Variants in KMT2C observed in about 807,000 individuals in gnomAD.
KMT2C encodes the protein histone-lysine N-methyltransferase 2C.
Under a neutral mutation model 507.9 loss-of-function variants are expected in KMT2C, and 88 were observed. The ratio of observed to expected loss-of-function variants is 0.17; its 90% CI spans 0.15 to 0.21. KMT2C has a LOEUF of 0.21. KMT2C is among the 10% of genes least tolerant of loss of function. The pLI, the probability that KMT2C is intolerant of heterozygous loss-of-function variation, is 1.00. For missense variants in KMT2C, 4,954 were observed against 5,957.8 expected (o/e 0.83, Z 5.55); for synonymous variants, 2,049 against 2,080.8 (o/e 0.98, Z 0.42).
intron 2 of KMT2C, among the ~76,000 whole-genome samples, chr7:152,345,727 G>A (rs186625038): frequency 6.6e-6 from 1 of 152,132 alleles, no homozygotes; most frequent in East Asian, 1.9e-4. Flanking sequence ...CACCACGTTG[G>A]TCAGGCTGGA....
At chr7:152,139,340 A>G (rs1332850689) in intron 56 of KMT2C, 81 bp from the exon 57 acceptor site, 2 of 1,316,394 alleles carry the variant, frequency 1.5e-6, no homozygotes, top group Non-Finnish European at 2.2e-6. Flanking sequence ...AGGAGGACTC[A>G]GTCGAAACTG....
rs114438536 is a variant in KMT2C at position 152,376,239 on chromosome 7, C to T, written c.162-17564G>A. Among the ~76,000 whole-genome samples the T allele has an allele frequency of 1.4e-3, 217 of 152,298 alleles. 1 individual carries two copies. Among genetic ancestry groups the T allele is most frequent in the African/African-American group, 4.9e-3 (204 of 41,568 alleles). ...TCTTTCTCCCTCTTTTCAGACCTCC[C>T]GTTTCCCCAACACACAACCATATTG... is the stretch of plus-strand genomic sequence containing the variant. On this transcript the variant is annotated intron_variant, in intron 1 of 58. Transcript: ENST00000262189.
chr7:152,147,216 C>T (rs1483901524), intron 52 of KMT2C, among the ~76,000 whole-genome samples: 1 of 151,694 alleles, frequency 6.6e-6, no homozygotes, highest in East Asian at 1.9e-4. Flanking sequence ...TGTTTGTGTA[C>T]TTTCTACATA....
intron 24 of KMT2C, 115 bp from the exon 25 acceptor site, chr7:152,205,340 G>A (rs2094274992): frequency 2.4e-5 from 12 of 509,636 alleles, no homozygotes; most frequent in African/African-American, 6.5e-5. Flanking sequence ...AATTAAATCT[G>A]TGCTAATCTA....
At chr7:152,254,640 C>T (rs1055701992) in intron 9 of KMT2C, among the ~76,000 whole-genome samples, 1 of 151,990 alleles carries the variant, frequency 6.6e-6, no homozygotes, top group African/African-American at 2.4e-5. Context: ...TGGGAGAGCC[C>T]GAGAGGCATT....
chr7:152,235,631 G>A (rs1360565366), intron 16 of KMT2C, among the ~76,000 whole-genome samples, 186 bp downstream of exon 16: 1 of 152,260 alleles, frequency 6.6e-6, no homozygotes, highest in East Asian at 1.9e-4. Flanking sequence ...TAAGAAAAGA[G>A]AAAGGATGAG....
intron 1 of KMT2C, among the ~76,000 whole-genome samples, chr7:152,375,422 G>A (rs2097321625): frequency 6.6e-6 from 1 of 151,318 alleles, no homozygotes; most frequent in Non-Finnish European, 1.5e-5. Context: ...GTCTTGCTCT[G>A]TCGCCCAGGC....
chr7:152,435,879 C>T lies in KMT2C; in HGVS notation c.-93G>A, dbSNP rs576087368. On this transcript the variant is annotated 5_prime_UTR_variant, in exon 1 of 59. Transcript: ENST00000262189. ...CGCCGCCGCCGCTGCTGCTCGGGTT[C>T]CTCCTCCCCGGCTCAGCCTCTCGCA... 421 of 1,331,512 alleles carry T rather than the reference C, an allele frequency of 3.2e-4. No individual in the cohort carries two copies. The highest frequency in any genetic ancestry group is 8.3e-4 in the Middle Eastern group (3 of 3,598). The allele number at this position is 1,331,512 out of a possible 1,614,324, so 82.5% of individuals were successfully genotyped here.
intron 5 of KMT2C, among the ~76,000 whole-genome samples, chr7:152,311,081 T>C (rs931242030): frequency 1.3e-5 from 2 of 151,614 alleles, no homozygotes; most frequent in Non-Finnish European, 2.9e-5. Flanking sequence ...ACAAACAAAA[T>C]TAGTTTTTAG....
chr7:152,168,307 C>T (rs2092822092), intron 41 of KMT2C, among the ~76,000 whole-genome samples: 1 of 152,088 alleles, frequency 6.6e-6, no homozygotes, highest in African/African-American at 2.4e-5. Context: ...CCAACCAAAG[C>T]CAATGGGCAC....
intron 14 of KMT2C, among the ~76,000 whole-genome samples, chr7:152,241,095 C>G (rs1408044118): frequency 6.6e-6 from 1 of 152,242 alleles, no homozygotes; most frequent in Admixed American, 6.5e-5. Context: ...ATTCTGGCTT[C>G]CTTGCTGTCC....
chr7:152,368,408 T>G, intron 1 of KMT2C: 1 of 1,130,808 alleles, frequency 8.8e-7, no homozygotes, highest in Non-Finnish European at 1.3e-6. Context: ...ATGAAGAAGA[T>G]AGAGATGGAG....
rs71198772 is a variant in KMT2C, at chr7:152,290,220, ATGTGTG to A, written c.850-16359_850-16354del. Among the ~76,000 whole-genome samples, 188 of 86,286 alleles carry A rather than the reference ATGTGTG, an allele frequency of 2.2e-3. 1 individual carries two copies. The highest frequency in any genetic ancestry group is 0.013 in the Middle Eastern group (2 of 154). The allele number at this position is 86,286 out of a possible 152,430, so 56.6% of individuals were successfully genotyped here. On this transcript the variant is annotated intron_variant, in intron 6 of 58. Transcript: ENST00000262189. ...GTAGTCTAATAAATTTTATATATAT[ATGTGTG>A]TGTGTGTGTGTGTGTGTGTGTGTGT...
intron 2 of KMT2C, among the ~76,000 whole-genome samples, chr7:152,336,204 G>T (rs906487638): frequency 3.3e-5 from 5 of 152,112 alleles, no homozygotes; most frequent in African/African-American, 1.2e-4. Context: ...CACAAAATAG[G>T]AACAAACAAC....
At chr7:152,185,263 G>A (rs1026884157) in intron 34 of KMT2C, among the ~76,000 whole-genome samples, 2 of 152,156 alleles carry the variant, frequency 1.3e-5, no homozygotes, top group African/African-American at 4.8e-5. Context: ...ACGGCCAACT[G>A]TACCTCTGCT....
At chr7:152,174,050 T>G (rs1159631624) in intron 39 of KMT2C, 81 bp downstream of exon 39, 6 of 757,012 alleles carry the variant, frequency 7.9e-6, no homozygotes, top group Non-Finnish European at 1.3e-5. Context: ...CTTTCCATTT[T>G]CTGTATGTTT....
chr7:152,421,737 G>C (rs1372862438), intron 1 of KMT2C, among the ~76,000 whole-genome samples: 1 of 152,152 alleles, frequency 6.6e-6, no homozygotes, highest in African/African-American at 2.4e-5. Context: ...CTTACTCGAG[G>C]GTGGAGGCTG....
intron 48 of KMT2C, 89 bp downstream of exon 48, chr7:152,153,921 G>T: frequency 7.8e-7 from 1 of 1,289,776 alleles, no homozygotes; most frequent in Non-Finnish European, 1.1e-6. Context: ...CAGTGATCCT[G>T]TTTGTGTGTG....
chr7:152,374,543 A>G (rs1239380467), intron 1 of KMT2C, among the ~76,000 whole-genome samples: 2 of 152,166 alleles, frequency 1.3e-5, no homozygotes, highest in East Asian at 3.8e-4. Context: ...CCAAATTAGC[A>G]AAGAGTGATA....
Sources: allele counts gnomAD v4.1 joint callset (sites outside exome capture counted in the v4.1 genomes callset), GRCh38; gene constraint gnomAD v4.1.1; transcripts MANE v1.5; gene names NCBI Gene and HGNC (gene_info 2026-07-23, HGNC 2026-07-21).